The following KDM5B variants were observed in gnomAD, a reference collection of about 807,000 sequenced individuals.
KDM5B encodes lysine demethylase 5B.
KDM5B carries 144 observed loss-of-function variants against 193.4 expected under a neutral mutation model. That is an observed-to-expected ratio of 0.74 (90% CI 0.65 to 0.86). The LOEUF is 0.86. Ranked by LOEUF, KDM5B falls within the 40% of genes least tolerant of loss-of-function variation. KDM5B has a pLI of 0.00. For synonymous variants in KDM5B, 668 were observed against 682.6 expected, an observed-to-expected ratio of 0.98 and a Z score of 0.33; for missense variants, 1,833 against 1,886.9, an observed-to-expected ratio of 0.97 and a Z score of 0.53.
intron 4 of KDM5B, among the ~76,000 whole-genome samples, chr1:202,771,817 T>A (rs1402400955): frequency 6.6e-6 from 1 of 150,914 alleles, no homozygotes; most frequent in African/African-American, 2.4e-5. Flanking sequence ...CTTGACCTCA[T>A]GATCCACCCA....
At chr1:202,777,351 T>TA (rs147335949) in intron 1 of KDM5B, among the ~76,000 whole-genome samples, 10,601 of 128,474 alleles carry the variant, frequency 0.083, 499 homozygotes, top group African/African-American at 0.13. Context: ...ATTGAGCCTG[T>TA]AAAAAAAAAA....
chr1:202,771,305 C>G (rs1211210771), intron 4 of KDM5B, among the ~76,000 whole-genome samples: 1 of 152,038 alleles, frequency 6.6e-6, no homozygotes, highest in Non-Finnish European at 1.5e-5. Flanking sequence ...GATCTCGGCT[C>G]ATTGCAACCT....
At chr1:202,748,306 C>A (rs1292795858) in intron 14 of KDM5B, among the ~76,000 whole-genome samples, 1 of 152,054 alleles carries the variant, frequency 6.6e-6, no homozygotes, top group Non-Finnish European at 1.5e-5. Flanking sequence ...TTCTAGATGA[C>A]TTTGTAGGAG....
rs781481834 is a variant in KDM5B, at chr1:202,746,263, C to A, written c.2077G>T (p.Val693Leu). 5.0e-6 allele frequency: 8 copies of A among 1,613,538 alleles called. No individual in the cohort carries two copies. In the South Asian group the frequency reaches 8.8e-5, roughly 18 times the overall value. Reference protein sequence around the residue: ...ELLPDDERQCVKCKTTCFMSA... With the variant: ...ELLPDDERQCLKCKTTCFMSA... The stretch of plus-strand genomic sequence containing the variant: ...ATGAAGCATGTAGTTTTGCATTTTA[C>A]ACACTGACGTTCATCATCTGGCAAC... The change falls in exon 15 of 27, where the codon GTA becomes TTA. Residue 693 changes from valine (V) to leucine (L), a missense_variant. Coordinates refer to ENST00000367265, the MANE Select transcript of KDM5B (RefSeq NM_006618.5).
chr1:202,738,771 C>T (rs1572710538), intron 20 of KDM5B, among the ~76,000 whole-genome samples: 1 of 152,026 alleles, frequency 6.6e-6, no homozygotes, highest in Non-Finnish European at 1.5e-5. Flanking sequence ...CCATCAAACA[C>T]GTTTCAAATT....
At chr1:202,807,655 C>T (rs1658359373) in intron 1 of KDM5B, among the ~76,000 whole-genome samples, 1 of 147,946 alleles carries the variant, frequency 6.8e-6, no homozygotes, top group South Asian at 2.2e-4. Context: ...CCACCCCCAC[C>T]CCACCCCATC....
At chr1:202,761,297 T>A (rs1324089519) in intron 7 of KDM5B, among the ~76,000 whole-genome samples, 2 of 151,870 alleles carry the variant, frequency 1.3e-5, no homozygotes, top group African/African-American at 4.8e-5. Flanking sequence ...AAAGAAAAAT[T>A]AGCCGGGCAT....
At position 202,733,772 on chromosome 1, in the gene KDM5B, G is replaced by C. The variant is rs1654986393; in HGVS notation, c.3538C>G (p.Leu1180Val). 1 of 1,614,126 alleles carries C rather than the reference G, an allele frequency of 6.2e-7. No individual in the cohort carries two copies. The highest frequency in any genetic ancestry group is 1.3e-5 in the African/African-American group (1 of 75,022). The stretch of plus-strand genomic sequence containing the variant: ...GGGGCAGCTGGGGCCTTCTGACATA[G>C]GCAGATTTTTATATCCACATCTTGG... ...PLQDVDIKIC[L>V]CQKAPAAPMI... Residue 1180 changes from leucine (L) to valine (V), a missense_variant, in exon 23 of 27, where the codon CTA becomes GTA. Leu to Val is a conservative substitution (Grantham distance 32). Transcript: ENST00000367265.
At chr1:202,755,481 A>T (rs199958177) in intron 10 of KDM5B, 29 bp from the exon 11 acceptor site, 2 of 1,547,908 alleles carry the variant, frequency 1.3e-6, no homozygotes, top group African/African-American at 2.7e-5. Context: ...AAGAGGATAA[A>T]GGTTTAGCTA....
At chr1:202,761,609 G>C (rs1398809040) in intron 7 of KDM5B, among the ~76,000 whole-genome samples, 1 of 152,204 alleles carries the variant, frequency 6.6e-6, no homozygotes, top group East Asian at 1.9e-4. Context: ...TTGGAAATGA[G>C]TCCTTACGGA....
rs536458054 is a variant in KDM5B at position 202,760,381 on chromosome 1, T to C, written c.1077+34A>G. 27 of 1,501,350 alleles carry C rather than the reference T, an allele frequency of 1.8e-5. No individual in the cohort carries two copies. In the South Asian group the frequency reaches 3.5e-4, roughly 20 times the overall value. The allele number at this position is 1,501,350 out of a possible 1,614,324, so 93.0% of individuals were successfully genotyped here. The stretch of plus-strand genomic sequence containing the variant: ...GGCAAAGAAAAATGCCCTAAAAAAA[T>C]TTTTCTAGTGTTACCTCTACTATTA... On this transcript the variant is annotated intron_variant, in intron 8 of 26. Transcript: ENST00000367265.
rs930986302 is a variant in KDM5B at position 202,728,375 on chromosome 1, C to T, written c.*661G>A. 1 of 152,658 alleles carries T rather than the reference C, an allele frequency of 6.6e-6. No individual in the cohort carries two copies. The highest frequency in any genetic ancestry group is 1.5e-5 in the Non-Finnish European group (1 of 68,040). The allele number at this position is 152,658 out of a possible 1,614,324, so 9.5% of individuals were successfully genotyped here. ...TTCATCAGTGACACTAGAAACTAGA[C>T]ATTTGTGTTCTGTACATCAATCAAT... On this transcript the variant is annotated 3_prime_UTR_variant, in exon 27 of 27. Transcript: ENST00000367265.
At chr1:202,743,602 G>C (rs1260669090) in intron 16 of KDM5B, among the ~76,000 whole-genome samples, 1 of 152,094 alleles carries the variant, frequency 6.6e-6, no homozygotes, top group African/African-American at 2.4e-5. Context: ...ATGGAAGCAA[G>C]TGAAAACACT....
chr1:202,788,863 C>G (rs963967592), intron 1 of KDM5B, among the ~76,000 whole-genome samples: 14 of 152,084 alleles, frequency 9.2e-5, no homozygotes, highest in African/African-American at 3.1e-4. Flanking sequence ...GAAAAAATTT[C>G]TGGCAGAAAA....
At chr1:202,754,350 A>G (rs959223089) in intron 11 of KDM5B, among the ~76,000 whole-genome samples, 18 of 152,222 alleles carry the variant, frequency 1.2e-4, no homozygotes, top group African/African-American at 4.3e-4. Context: ...ATTTTCAAAT[A>G]TTTTTATATT....
At chr1:202,772,708 C>A (rs1411022736) in intron 4 of KDM5B, among the ~76,000 whole-genome samples, 1 of 145,588 alleles carries the variant, frequency 6.9e-6, no homozygotes, top group Non-Finnish European at 1.5e-5. Flanking sequence ...TTTTTTTTTT[C>A]AGACGGAGTC....
At chr1:202,759,550 CAAAAAAA>C (rs67515433) in intron 8 of KDM5B, among the ~76,000 whole-genome samples, 3 of 115,800 alleles carry the variant, frequency 2.6e-5, no homozygotes, top group African/African-American at 7.8e-5. Context: ...GATCCTGTCT[CAAAAAAA>C]AAAAAAAAAA....
chr1:202,778,857 T>C (rs1156995633), intron 1 of KDM5B, among the ~76,000 whole-genome samples: 1 of 152,082 alleles, frequency 6.6e-6, no homozygotes, highest in Non-Finnish European at 1.5e-5. Context: ...CCTGACCTCA[T>C]ATGATCCGCC....
chr1:202,808,014 C>G, intron 1 of KDM5B, 88 bp downstream of exon 1: 1 of 1,331,678 alleles, frequency 7.5e-7, no homozygotes, highest in Non-Finnish European at 1.0e-6. Context: ...CGGCTCCCCG[C>G]CCCCCGCGCC....
Sources: allele counts gnomAD v4.1 joint callset (sites outside exome capture counted in the v4.1 genomes callset), GRCh38; gene constraint gnomAD v4.1.1; transcripts MANE v1.5; gene names NCBI Gene and HGNC (gene_info 2026-07-23, HGNC 2026-07-21).